CACNA2D1: variants seen among roughly 807,000 people sequenced by gnomAD.
The protein encoded by CACNA2D1 is calcium voltage-gated channel auxiliary subunit alpha2delta 1, also known as voltage-dependent calcium channel subunit alpha-2/delta-1.
In CACNA2D1, 53 loss-of-function variants were observed where a neutral mutation model predicts 171.5. The observed-to-expected ratio is 0.31, with a 90% confidence interval of 0.25 to 0.39. CACNA2D1 has a LOEUF of 0.39. CACNA2D1 is among the 10% of genes least tolerant of loss of function. CACNA2D1 has a pLI of 1.00. For synonymous variants in CACNA2D1, 442 were observed against 443.1 expected (o/e 1.00, Z 0.03); for missense variants, 903 against 1,299.8 (o/e 0.69, Z 4.69).
intron 23 of CACNA2D1, chr7:81,982,860 G>GAA: frequency 1.7e-6 from 1 of 589,388 alleles, no homozygotes; most frequent in Non-Finnish European, 3.0e-6. Flanking sequence ...TTATTTCAAA[G>GAA]AAAATGCTAT....
At chr7:82,353,538 T>G (rs905864289) in intron 1 of CACNA2D1, among the ~76,000 whole-genome samples, 3 of 151,462 alleles carry the variant, frequency 2.0e-5, no homozygotes, top group South Asian at 2.1e-4. Context: ...CAAAGGAGAG[T>G]GTACAGCGAA....
At chr7:82,249,403 G>A (rs1432312898) in intron 3 of CACNA2D1, among the ~76,000 whole-genome samples, 1 of 152,170 alleles carries the variant, frequency 6.6e-6, no homozygotes, top group Admixed American at 6.5e-5. Flanking sequence ...ATTCTTTGCA[G>A]GATCATTTGG....
intron 6 of CACNA2D1, among the ~76,000 whole-genome samples, chr7:82,112,946 C>T (rs1307570809): frequency 2.0e-5 from 3 of 152,108 alleles, no homozygotes; most frequent in Non-Finnish European, 4.4e-5. Context: ...AAAAATCAAG[C>T]ACTTTTAGTA....
chr7:82,257,298 G>T (rs1244472850), intron 3 of CACNA2D1, among the ~76,000 whole-genome samples: 2 of 152,104 alleles, frequency 1.3e-5, no homozygotes, highest in African/African-American at 4.8e-5. Context: ...TACAAGACAG[G>T]ATTTTGGCCC....
At chr7:82,315,968 T>A (rs1411934701) in intron 3 of CACNA2D1, among the ~76,000 whole-genome samples, 1 of 152,042 alleles carries the variant, frequency 6.6e-6, no homozygotes, top group African/African-American at 2.4e-5. Flanking sequence ...ACCAGGTGTT[T>A]TTTTTTTAAA....
chr7:82,323,279 G>C (rs746407670), intron 3 of CACNA2D1, among the ~76,000 whole-genome samples: 1 of 151,768 alleles, frequency 6.6e-6, no homozygotes, highest in Non-Finnish European at 1.5e-5. Flanking sequence ...AAAAAAAAGA[G>C]GTGAAATGAC....
chr7:81,984,235 CAAAT>C (rs1796730080), intron 22 of CACNA2D1, among the ~76,000 whole-genome samples: 2 of 151,944 alleles, frequency 1.3e-5, no homozygotes, highest in African/African-American at 4.8e-5. Flanking sequence ...TAACCAGAAA[CAAAT>C]AAAAGGAAAG....
intron 6 of CACNA2D1, among the ~76,000 whole-genome samples, chr7:82,107,194 G>A (rs892308054): frequency 3.3e-5 from 5 of 152,104 alleles, no homozygotes; most frequent in Non-Finnish European, 5.9e-5. Context: ...TCATTCTCCT[G>A]TAGTACCCTA....
At chr7:81,952,093 G>A (rs947170982) in intron 38 of CACNA2D1, among the ~76,000 whole-genome samples, 1 of 149,404 alleles carries the variant, frequency 6.7e-6, no homozygotes, top group Non-Finnish European at 1.5e-5. Flanking sequence ...GTGATGTTGA[G>A]CAATTTTTCA....
intron 3 of CACNA2D1, among the ~76,000 whole-genome samples, chr7:82,206,132 T>G (rs1025741461): frequency 2.6e-5 from 4 of 152,022 alleles, no homozygotes; most frequent in Non-Finnish European, 5.9e-5. Flanking sequence ...TTTGAGTTTC[T>G]TTTTTCAATT....
intron 9 of CACNA2D1, among the ~76,000 whole-genome samples, chr7:82,063,481 T>C (rs904735182): frequency 1.2e-4 from 19 of 152,084 alleles, no homozygotes; most frequent in African/African-American, 4.6e-4. Flanking sequence ...ATGGGGAAAA[T>C]TCAAATGTTA....
At chr7:82,061,003 G>C (rs1307068787) in intron 9 of CACNA2D1, among the ~76,000 whole-genome samples, 2 of 152,066 alleles carry the variant, frequency 1.3e-5, no homozygotes, top group African/African-American at 4.8e-5. Flanking sequence ...ATATCCTCTA[G>C]AATTTATTCT....
chr7:82,304,841 A>G (rs560234294), intron 3 of CACNA2D1, among the ~76,000 whole-genome samples: 1 of 152,150 alleles, frequency 6.6e-6, no homozygotes, highest in Admixed American at 6.5e-5. Context: ...AATGTATTGT[A>G]TATCTCGAAA....
Position 81,994,009 on chromosome 7 carries a change from G to A in CACNA2D1, c.1734+859C>T, listed in dbSNP as rs111787412. ...TCATTATGATATTAAAATGAGAAAG[G>A]CCATGTGCTAATGAAGGATCATAGT... On this transcript the variant is annotated intron_variant, in intron 20 of 38. Transcript: ENST00000356860. Among the ~76,000 whole-genome samples the A allele has an allele frequency of 9.5e-3, 1,440 of 152,056 alleles. 21 individuals are homozygous for A. The highest frequency in any genetic ancestry group is 0.033 in the African/African-American group (1,370 of 41,510).
At chr7:82,294,580 T>C (rs1812040548) in intron 3 of CACNA2D1, among the ~76,000 whole-genome samples, 4 of 152,260 alleles carry the variant, frequency 2.6e-5, no homozygotes, top group African/African-American at 9.6e-5. Flanking sequence ...TGATAAGTCA[T>C]GTCATTAAGT....
At chr7:82,322,451 C>CAAAAA (rs11440104) in intron 3 of CACNA2D1, among the ~76,000 whole-genome samples, 30 of 103,906 alleles carry the variant, frequency 2.9e-4, no homozygotes, top group East Asian at 8.1e-4. Flanking sequence ...CCTGGCTTTA[C>CAAAAA]AAAAAAAAAA....
At chr7:82,287,261 TC>T (rs1196496867) in intron 3 of CACNA2D1, among the ~76,000 whole-genome samples, 2 of 122,342 alleles carry the variant, frequency 1.6e-5, no homozygotes, top group African/African-American at 6.9e-5. Context: ...TTCTTTTCTT[TC>T]TTTTTTTTTT....
intron 5 of CACNA2D1, among the ~76,000 whole-genome samples, chr7:82,119,293 C>T (rs1429048560): frequency 6.6e-6 from 1 of 152,096 alleles, no homozygotes; most frequent in African/African-American, 2.4e-5. Context: ...GAAATATATT[C>T]AAATGCATTT....
intron 11 of CACNA2D1, 147 bp from the exon 12 acceptor site, chr7:82,033,048 T>G: frequency 1.6e-6 from 1 of 614,698 alleles, no homozygotes; most frequent in Non-Finnish European, 3.0e-6. Context: ...GGTTCCTGGA[T>G]CAGTTCAGGC....
Sources: allele counts gnomAD v4.1 joint callset (sites outside exome capture counted in the v4.1 genomes callset), GRCh38; gene constraint gnomAD v4.1.1; transcripts MANE v1.5; gene names NCBI Gene and HGNC (gene_info 2026-07-23, HGNC 2026-07-21).